The following CALN1 variants were observed in gnomAD, a reference collection of about 807,000 sequenced individuals.
CALN1 encodes calcium-binding protein 8.
CALN1 carries 17 observed loss-of-function variants against 30.6 expected under a neutral mutation model. The observed-to-expected ratio is 0.56, with a 90% CI of 0.38 to 0.83. The LOEUF (loss-of-function observed/expected upper bound fraction) is 0.83. Ranked by LOEUF, CALN1 falls within the 40% of genes least tolerant of loss-of-function variation. The pLI is 0.00. For missense variants in CALN1, 291 were observed against 354.9 expected (o/e 0.82, Z 1.45); for synonymous variants, 156 against 131.4 (o/e 1.19, Z -1.28).
rs144352678 is a variant in CALN1, at chr7:71,787,870, C to T, written c.691G>A (p.Val231Ile). ...AAGGCGCATATGAGGCTCTTCCGGACGCAGGTCTGTCTGTTCTGCTTCTGG... is the reference window on the plus strand; with the variant it reads ...AAGGCGCATATGAGGCTCTTCCGGATGCAGGTCTGTCTGTTCTGCTTCTGG... ...HSQKQNRQTC[V>I]RKSLICAFAM... The change falls in exon 7 of 7, where the codon GTC (valine) becomes ATC (isoleucine). Residue 231 changes from valine to isoleucine, a missense_variant. Physicochemically the swap from Val to Ile is conservative, Grantham distance 29. This residue lies in a region of CALN1 where 169 missense variants were observed against 251.7 expected (regional missense o/e 0.67). Coordinates refer to ENST00000395275, the MANE Select transcript of CALN1 (RefSeq NM_031468.4). The T allele has an allele frequency of 1.5e-4, 240 of 1,614,014 alleles. 1 individual carries two copies. The highest frequency in any genetic ancestry group is 4.0e-4 in the Admixed American group (24 of 60,002).
At chr7:72,312,314 G>A (rs764334331) in intron 2 of CALN1, among the ~76,000 whole-genome samples, 13 of 146,660 alleles carry the variant, frequency 8.9e-5, no homozygotes, top group Non-Finnish European at 5.9e-5. Context: ...TGAGGCAGGA[G>A]AATCACTTGA....
At chr7:72,286,198 G>A (rs1798068494) in intron 2 of CALN1, among the ~76,000 whole-genome samples, 1 of 151,840 alleles carries the variant, frequency 6.6e-6, no homozygotes, top group Non-Finnish European at 1.5e-5. Context: ...ACTTAGGGAT[G>A]ACCAACCATA....
the CALN1 span, among the ~76,000 whole-genome samples, chr7:72,453,524 C>T: frequency 6.6e-6 from 1 of 152,200 alleles, no homozygotes; most frequent in African/African-American, 2.4e-5. Flanking sequence ...CTTTAGGTGC[C>T]TCTTCCCTGT....
At chr7:72,014,923 A>C (rs1800292087) in intron 5 of CALN1, among the ~76,000 whole-genome samples, 1 of 152,106 alleles carries the variant, frequency 6.6e-6, no homozygotes. Context: ...CAGCCTCCCA[A>C]AGTGCTGGGA....
At chr7:72,179,990 A>C (rs1789643288) in intron 3 of CALN1, among the ~76,000 whole-genome samples, 1 of 152,190 alleles carries the variant, frequency 6.6e-6, no homozygotes, top group Admixed American at 6.5e-5. Flanking sequence ...GTCATTTTAC[A>C]TGATCCGTCC....
At chr7:72,345,870 T>C (rs969291149) in intron 2 of CALN1, among the ~76,000 whole-genome samples, 1 of 152,294 alleles carries the variant, frequency 6.6e-6, no homozygotes, top group East Asian at 1.9e-4. Context: ...AGAACAAATG[T>C]ATAGCCACTA....
At chr7:72,291,832 G>A (rs145908966) in intron 2 of CALN1, among the ~76,000 whole-genome samples, 1,988 of 152,062 alleles carry the variant, frequency 0.013, 22 homozygotes, top group Middle Eastern at 0.048. Flanking sequence ...GGCTGGTCTC[G>A]AACTCCCAAC....
intron 5 of CALN1, among the ~76,000 whole-genome samples, chr7:71,881,169 C>T (rs1423416086): frequency 6.6e-6 from 1 of 152,204 alleles, no homozygotes; most frequent in Non-Finnish European, 1.5e-5. Context: ...CTTGGACTTA[C>T]ACCAGTGGTT....
chr7:72,013,247 ATTTTTT>A (rs1025112311), intron 5 of CALN1, among the ~76,000 whole-genome samples: 23 of 92,980 alleles, frequency 2.5e-4, no homozygotes, highest in African/African-American at 1.1e-3. Context: ...CTAATTTGAG[ATTTTTT>A]TTTTTTTTTT....
At chr7:72,337,847 T>C (rs1484804982) in intron 2 of CALN1, 1 of 152,330 alleles carries the variant, frequency 6.6e-6, no homozygotes, top group East Asian at 1.9e-4. Context: ...GGTCATAGAA[T>C]GGATCCGATG....
chr7:72,409,639 C>A (rs1313304225), intron 1 of CALN1, among the ~76,000 whole-genome samples: 1 of 151,906 alleles, frequency 6.6e-6, no homozygotes, highest in Non-Finnish European at 1.5e-5. Context: ...TCACTGGGAG[C>A]AAGATTGAGC....
chr7:72,089,767 T>C lies in CALN1; in HGVS notation c.388+16384A>G, dbSNP rs79858537. 9.0e-3 allele frequency among the ~76,000 whole-genome samples: 1,367 copies of C among 152,084 alleles called. 26 individuals carry two copies. The highest frequency in any genetic ancestry group is 0.031 in the African/African-American group (1,287 of 41,466). On this transcript the variant is annotated intron_variant, in intron 4 of 6. Coordinates refer to ENST00000395275, the MANE Select transcript of CALN1 (RefSeq NM_031468.4). Reference sequence around the variant, plus strand: ...CACTATGAGGACAGAGCATTGAAAATTAAAATACAAACTGTTGGAAGTAAA... The same window carrying C: ...CACTATGAGGACAGAGCATTGAAAACTAAAATACAAACTGTTGGAAGTAAA...
rs1466405359 is a variant in CALN1, at chr7:71,912,027, A to AT, written c.502-101536dup. On this transcript the variant is annotated intron_variant, in intron 5 of 6. Coordinates refer to ENST00000395275, the MANE Select transcript of CALN1 (RefSeq NM_031468.4). ...AGGGGGCAGTCTCTGCTTGTGGATA[A>AT]TTTTTTCCTCTCTGCAAAGCTAACT... is the stretch of plus-strand genomic sequence containing the variant. 9.2e-5 allele frequency among the ~76,000 whole-genome samples: 14 copies of AT among 151,774 alleles called. 1 individual carries two copies. The South Asian group carries it at 1.2e-3, about 14-fold the overall frequency.
intron 3 of CALN1, among the ~76,000 whole-genome samples, chr7:72,189,332 T>G (rs1460210180): frequency 1.3e-5 from 2 of 152,226 alleles, no homozygotes; most frequent in Non-Finnish European, 2.9e-5. Flanking sequence ...TTTTTTGCTT[T>G]ACTCCTACTT....
chr7:72,118,062 G>A (rs1205313424), intron 3 of CALN1, among the ~76,000 whole-genome samples: 1 of 152,032 alleles, frequency 6.6e-6, no homozygotes, highest in Non-Finnish European at 1.5e-5. Context: ...AGGGCTGGTG[G>A]GCCATTGATA....
intron 4 of CALN1, among the ~76,000 whole-genome samples, chr7:72,058,107 G>T (rs1223713782): frequency 6.6e-6 from 1 of 151,744 alleles, no homozygotes; most frequent in Non-Finnish European, 1.5e-5. Flanking sequence ...CTCTTCTGGG[G>T]CCCCACCACT....
intron 3 of CALN1, among the ~76,000 whole-genome samples, chr7:72,122,379 G>A (rs1443529921): frequency 6.6e-6 from 1 of 152,110 alleles, no homozygotes. Context: ...ATGGAGAGAA[G>A]GGAGCAACTC....
At chr7:72,066,297 T>A (rs1804017529) in intron 4 of CALN1, among the ~76,000 whole-genome samples, 1 of 152,220 alleles carries the variant, frequency 6.6e-6, no homozygotes, top group African/African-American at 2.4e-5. Flanking sequence ...GACAGAGCCC[T>A]GGGGCACGTT....
At chr7:71,952,292 T>G (rs991686393) in intron 5 of CALN1, among the ~76,000 whole-genome samples, 1 of 152,124 alleles carries the variant, frequency 6.6e-6, no homozygotes, top group Non-Finnish European at 1.5e-5. Context: ...CCCTGACGCC[T>G]CAACAGCGGC....
Sources: gnomAD v4.1 joint callset for allele counts (sites outside exome capture counted in the v4.1 genomes callset) on GRCh38, gnomAD v4.1.1 for gene constraint, gnomAD v4.1.1 regional missense constraint, MANE v1.5 for transcripts, NCBI Gene and HGNC (gene_info 2026-07-23, HGNC 2026-07-21) for gene names.